The following ENTREP1 variants were observed in gnomAD, a reference collection of about 807,000 sequenced individuals.
The protein encoded by ENTREP1 is Friedreich ataxia region gene X123.
the ENTREP1 span, among the ~76,000 whole-genome samples, chr9:69,349,706 GA>G: frequency 2.0e-5 from 3 of 152,134 alleles, no homozygotes; most frequent in African/African-American, 7.2e-5. Context: ...TATTGTAAGT[GA>G]AAAATGTATT....
At chr9:69,357,507 C>T in the ENTREP1 span, among the ~76,000 whole-genome samples, 4 of 152,172 alleles carry the variant, frequency 2.6e-5, no homozygotes, top group African/African-American at 9.7e-5. Context: ...TTCACAGCAA[C>T]GGGCCTGTGT....
the ENTREP1 span, chr9:69,391,958 T>G: frequency 2.8e-6 from 2 of 720,764 alleles, no homozygotes; most frequent in Admixed American, 5.0e-5. Context: ...CTGAGGGCAT[T>G]CAGGAGTAAA....
chr9:69,338,457 T>TA, the ENTREP1 span, among the ~76,000 whole-genome samples: 2 of 152,204 alleles, frequency 1.3e-5, no homozygotes, highest in Admixed American at 1.3e-4. Context: ...GAAAAGAGTA[T>TA]AAGTGTGTTA....
chr9:69,357,675 G>A, the ENTREP1 span, among the ~76,000 whole-genome samples: 1 of 152,140 alleles, frequency 6.6e-6, no homozygotes, highest in Admixed American at 6.5e-5. Context: ...AGTGCATGTG[G>A]GAGCTCCTGA....
chr9:69,329,700 G>T, the ENTREP1 span: 1 of 984,142 alleles, frequency 1.0e-6, no homozygotes, highest in Admixed American at 6.2e-5. Context: ...TTGACTGGAG[G>T]TGAGTGGCTA....
chr9:69,389,007 T>C, the ENTREP1 span, among the ~76,000 whole-genome samples: 2 of 152,214 alleles, frequency 1.3e-5, no homozygotes, highest in African/African-American at 2.4e-5. Context: ...AAAGATAGAA[T>C]TGGGCATGAA....
the ENTREP1 span, chr9:69,377,866 T>C: frequency 8.5e-7 from 1 of 1,169,686 alleles, no homozygotes; most frequent in African/African-American, 1.5e-5. Context: ...GAAAAATTTT[T>C]CCTGACTTGA....
chr9:69,350,181 A>G, the ENTREP1 span, among the ~76,000 whole-genome samples: 1 of 151,820 alleles, frequency 6.6e-6, no homozygotes. Context: ...TACTCCTATA[A>G]TTTTTTTCTA....
At chr9:69,367,929 A>G in the ENTREP1 span, among the ~76,000 whole-genome samples, 1 of 148,186 alleles carries the variant, frequency 6.7e-6, no homozygotes, top group Non-Finnish European at 1.5e-5. Flanking sequence ...ACATATATAT[A>G]CACGTACATA....
the ENTREP1 span, among the ~76,000 whole-genome samples, chr9:69,370,630 A>T: frequency 1.3e-5 from 2 of 152,202 alleles, no homozygotes; most frequent in Non-Finnish European, 2.9e-5. Context: ...TTGACTCATA[A>T]AATGGGTCTC....
chr9:69,336,712 A>G, the ENTREP1 span, among the ~76,000 whole-genome samples: 1 of 151,622 alleles, frequency 6.6e-6, no homozygotes, highest in African/African-American at 2.4e-5. Flanking sequence ...CTTTTTATTT[A>G]TTATTGTTAT....
chr9:69,345,713 G>A, the ENTREP1 span, among the ~76,000 whole-genome samples: 2 of 152,204 alleles, frequency 1.3e-5, no homozygotes, highest in Admixed American at 6.5e-5. Context: ...AGGGATTCTC[G>A]TGCCTCAGCC....
At chr9:69,372,205 A>G in the ENTREP1 span, among the ~76,000 whole-genome samples, 2 of 152,228 alleles carry the variant, frequency 1.3e-5, no homozygotes, top group African/African-American at 2.4e-5. Context: ...AAATACACAT[A>G]GCATGAAATT....
chr9:69,391,839 G>T, the ENTREP1 span: 1 of 1,538,106 alleles, frequency 6.5e-7, no homozygotes, highest in Non-Finnish European at 8.8e-7. Context: ...CAAGGGGAAG[G>T]ATCCCTCTCC....
chr9:69,352,887 G>T, the ENTREP1 span, among the ~76,000 whole-genome samples: 1 of 152,160 alleles, frequency 6.6e-6, no homozygotes, highest in African/African-American at 2.4e-5. Context: ...TGTAATCCTA[G>T]TACTTTGTAA....
the ENTREP1 span, among the ~76,000 whole-genome samples, chr9:69,359,518 C>T: frequency 7.6e-3 from 1,150 of 152,278 alleles, 8 homozygotes; most frequent in Non-Finnish European, 0.011. Context: ...GGGGCTGTTT[C>T]CCCTTCACTT....
chr9:69,355,302 G>A, the ENTREP1 span, among the ~76,000 whole-genome samples: 3 of 152,130 alleles, frequency 2.0e-5, no homozygotes, highest in Non-Finnish European at 4.4e-5. Context: ...CATTTTTTGA[G>A]CACCTGCTTT....
chr9:69,377,570 G>T, the ENTREP1 span: 1 of 1,612,868 alleles, frequency 6.2e-7, no homozygotes, highest in South Asian at 1.1e-5. Flanking sequence ...CCGTGCCTTT[G>T]TAATGAAGGC....
the ENTREP1 span, among the ~76,000 whole-genome samples, chr9:69,327,895 A>T: frequency 6.7e-6 from 1 of 150,326 alleles, no homozygotes; most frequent in Non-Finnish European, 1.5e-5. Context: ...GCAAAGTGAC[A>T]ACAGAAGCAG....
Sources: gnomAD v4.1 joint callset for allele counts (sites outside exome capture counted in the v4.1 genomes callset) on GRCh38, gnomAD v4.1.1 for gene constraint, MANE v1.5 for transcripts, NCBI Gene and HGNC (gene_info 2026-07-23, HGNC 2026-07-21) for gene names.